Variants in MYH11 observed in about 807,000 individuals in gnomAD.
MYH11 encodes the protein myosin-11.
A neutral mutation model predicts 246.6 loss-of-function variants in MYH11; 80 were observed. The observed-to-expected ratio is 0.32, with a 90% CI of 0.27 to 0.39. MYH11 has a LOEUF of 0.39. MYH11 is among the 10% of genes least tolerant of loss of function. The pLI, the probability that MYH11 is intolerant of heterozygous loss-of-function variation, is 1.00. For missense variants in MYH11, 2,158 were observed against 2,546.8 expected (o/e 0.85, Z 3.29); for synonymous variants, 1,071 against 1,015.5 (o/e 1.05, Z -1.04).
chr16:15,824,064 C>A (rs974246173), intron 2 of MYH11, among the ~76,000 whole-genome samples: 1 of 152,150 alleles, frequency 6.6e-6, no homozygotes, highest in Non-Finnish European at 1.5e-5. Context: ...GGGCACCGAA[C>A]TAAGCACTAC....
Position 15,750,299 on chromosome 16 carries a change from T to G in MYH11, c.1897A>C (p.Lys633Gln), listed in dbSNP as rs772309087. The G allele has an allele frequency of 6.2e-7, 1 of 1,612,724 alleles. No individual in the cohort carries two copies. The highest frequency in any genetic ancestry group is 1.7e-5 in the Admixed American group (1 of 59,736). Residue 633 changes from lysine to glutamine, a missense_variant, in exon 16 of 41, where the codon AAG becomes CAG. Physicochemically the swap from Lys to Gln is moderately conservative, Grantham distance 53. Coordinates refer to ENST00000300036, the MANE Select transcript of MYH11 (RefSeq NM_002474.3). This position sits in a 1 kb window ranked among gnomAD's most constrained non-coding sequence, Gnocchi z 4.3. The part of the protein sequence containing the change: ...DRIVGLDQMA[K>Q]MTESSLPSAS... ...CTGGGCAGCGAGCTCTCCGTCATCT[T>G]GGCCATCTGGTCCAGGCCCACGATG...
chr16:15,805,129 C>A (rs1043484415), intron 3 of MYH11, among the ~76,000 whole-genome samples: 4 of 152,300 alleles, frequency 2.6e-5, no homozygotes, highest in Middle Eastern at 3.4e-3. Context: ...GACCTCCTAC[C>A]TGCAGGATGG....
At chr16:15,794,446 G>A (rs1798677670) in intron 4 of MYH11, among the ~76,000 whole-genome samples, 2 of 152,226 alleles carry the variant, frequency 1.3e-5, no homozygotes, top group South Asian at 4.1e-4. Flanking sequence ...GGATGCATTT[G>A]CAAATAAAAG....
chr16:15,712,474 C>A (rs990316373), intron 40 of MYH11, among the ~76,000 whole-genome samples: 1 of 152,038 alleles, frequency 6.6e-6, no homozygotes, highest in South Asian at 2.1e-4. Context: ...ATGGTGCAAC[C>A]CCATCTCTAC....
chr16:15,706,703 CA>C (rs1309892852), intron 40 of MYH11, among the ~76,000 whole-genome samples: 23 of 127,958 alleles, frequency 1.8e-4, no homozygotes, highest in African/African-American at 2.6e-4. Context: ...AGACTGTCTC[CA>C]AAAAAAAAAA....
intron 3 of MYH11, among the ~76,000 whole-genome samples, chr16:15,817,844 C>T (rs2043300759): frequency 6.6e-6 from 1 of 152,158 alleles, no homozygotes. Flanking sequence ...GCCATCCCTG[C>T]CCCCTTCTCT....
chr16:15,806,844 G>A (rs1033885697), intron 3 of MYH11, among the ~76,000 whole-genome samples: 1 of 152,160 alleles, frequency 6.6e-6, no homozygotes, highest in Non-Finnish European at 1.5e-5. Context: ...CTCTGGCTCA[G>A]AGAGGCAACC....
chr16:15,706,007 C>CAAAAAAAAAAAAAAAAAAAAAAAAA (rs1555547379), intron 40 of MYH11, among the ~76,000 whole-genome samples: 1 of 66,256 alleles, frequency 1.5e-5, no homozygotes, highest in African/African-American at 8.0e-5. Context: ...AAAAAAAAAT[C>CAAAAAAAAAAAAAAAAAAAAAAAAA]AAGGCCCAGA....
chr16:15,727,235 CTG>C (rs2151226321), intron 27 of MYH11, among the ~76,000 whole-genome samples, 181 bp from the exon 28 acceptor site: 1 of 148,362 alleles, frequency 6.7e-6, no homozygotes, highest in African/African-American at 2.6e-5. Context: ...AGTCTTAACT[CTG>C]TTACCCAGGC....
chr16:15,731,499 T>C (rs929498457), intron 27 of MYH11, among the ~76,000 whole-genome samples: 5 of 151,986 alleles, frequency 3.3e-5, no homozygotes, highest in Non-Finnish European at 7.4e-5. Context: ...CTTTTTTTTT[T>C]TTCTTTTTTT....
chr16:15,821,912 G>C (rs1235413363), intron 3 of MYH11, among the ~76,000 whole-genome samples: 6 of 107,458 alleles, frequency 5.6e-5, no homozygotes, highest in Non-Finnish European at 1.2e-4. Context: ...GCGACAGAGC[G>C]AGACTCCGTC....
rs112139167 is a variant in MYH11, at chr16:15,777,742, T to C, written c.790+1038A>G. ...GCCACCACCTATGAGATGCTCACTT[T>C]GGGCCCAGTACCGTACCAAGGGCTG... On this transcript the variant is annotated intron_variant, in intron 7 of 40. Coordinates refer to ENST00000300036, the MANE Select transcript of MYH11 (RefSeq NM_002474.3). Among the ~76,000 whole-genome samples, 6 of 152,264 alleles carry C rather than the reference T, an allele frequency of 3.9e-5. 1 individual carries two copies. The highest frequency in any genetic ancestry group is 1.4e-4 in the African/African-American group (6 of 41,528).
intron 1 of MYH11, among the ~76,000 whole-genome samples, chr16:15,852,882 G>A (rs141055346): frequency 1.6e-3 from 250 of 152,178 alleles, no homozygotes; most frequent in African/African-American, 5.8e-3. Flanking sequence ...TTAGAATCCC[G>A]ATCTGTTTGA....
At chr16:15,788,794 A>ATGTG (rs1491200616) in intron 4 of MYH11, among the ~76,000 whole-genome samples, 1,821 of 107,716 alleles carry the variant, frequency 0.017, 39 homozygotes, top group African/African-American at 0.046. Flanking sequence ...TAAGACCAGA[A>ATGTG]TATATGTGTG....
At chr16:15,784,933 A>C in intron 5 of MYH11, 8 of 529,914 alleles carry the variant, frequency 1.5e-5, no homozygotes, top group East Asian at 6.4e-5. Context: ...TACTGGGCTC[A>C]GGCAATCCTC....
rs759031841 is a variant in MYH11, at chr16:15,720,878, G to C, written c.4752C>G (p.Asp1584Glu). Residue 1584 changes from aspartate (D) to glutamate (E), a missense_variant, in exon 33 of 41, where the codon GAC becomes GAG. Physicochemically the swap from Asp to Glu is conservative, Grantham distance 45 (BLOSUM62 2). Transcript: ENST00000300036. ...GQFERDLQAR[D>E]EQNEEKRRQL... ...GCCTCCTCTTCTCCTCATTCTGCTC[G>C]TCCCGGGCTTGGAGATCCCTTTCGA... The C allele has an allele frequency of 6.2e-7, 1 of 1,613,942 alleles. No individual in the cohort carries two copies. The highest frequency in any genetic ancestry group is 1.1e-5 in the South Asian group (1 of 91,066).
intron 20 of MYH11, chr16:15,742,308 A>T (rs1474133933): frequency 3.9e-6 from 1 of 258,372 alleles, no homozygotes; most frequent in Non-Finnish European, 7.6e-6. Context: ...GGAGAAAAAA[A>T]ATCTTTCATA....
intron 34 of MYH11, 135 bp from the exon 35 acceptor site, chr16:15,719,848 GCT>G (rs1424649776): frequency 1.5e-6 from 2 of 1,317,304 alleles, no homozygotes; most frequent in African/African-American, 1.5e-5. Flanking sequence ...CACGAGCATG[GCT>G]CTCAGTTCCA....
At chr16:15,836,075 A>G (rs573130167) in intron 2 of MYH11, among the ~76,000 whole-genome samples, 2 of 152,152 alleles carry the variant, frequency 1.3e-5, no homozygotes, top group Admixed American at 6.5e-5. Context: ...CTATTCTTGC[A>G]TCCATTTTAC....
Sources: gnomAD v4.1 joint callset for allele counts (sites outside exome capture counted in the v4.1 genomes callset) on GRCh38, gnomAD v4.1.1 for gene constraint, Gnocchi (gnomAD v3.1) non-coding constraint, MANE v1.5 for transcripts, NCBI Gene and HGNC (gene_info 2026-07-23, HGNC 2026-07-21) for gene names.